The following VRK2 variants were observed in gnomAD, a reference collection of about 807,000 sequenced individuals.
The protein encoded by VRK2 is VRK serine/threonine kinase 2, also known as serine/threonine-protein kinase VRK2.
In VRK2, 60 loss-of-function variants were observed where a neutral mutation model predicts 57.6. The ratio of observed to expected loss-of-function variants is 1.04; its 90% confidence interval spans 0.85 to 1.29. The LOEUF is 1.29. Ranked by LOEUF, VRK2 falls within the 50% of genes most tolerant of loss-of-function variation. The probability of loss-of-function intolerance (pLI) is 0.00; values close to 1 mark genes in which losing one functional copy is unlikely to be tolerated. For missense variants in VRK2, 705 were observed against 588.1 expected (o/e 1.20, Z -2.06); for synonymous variants, 231 against 199.2 (o/e 1.16, Z -1.35).
At chr2:58,157,542 T>A (rs1183030213) in intron 12 of VRK2, among the ~76,000 whole-genome samples, 1 of 152,154 alleles carries the variant, frequency 6.6e-6, no homozygotes, top group South Asian at 2.1e-4. Context: ...TCTATCACAG[T>A]AGATTATTGC....
In VRK2 at chr2:58,121,307, T is replaced by C. The variant is rs796686849; in HGVS notation, c.544-1794T>C. 2.6e-5 allele frequency among the ~76,000 whole-genome samples: 4 copies of C among 152,234 alleles called. 1 individual carries two copies. Among genetic ancestry groups the C allele is most frequent in the Admixed American group, 2.6e-4 (4 of 15,282 alleles). ...TCTTTTTTAAAATAGTAAACTATTA[T>C]ATTAAAATACAATTCCATTTGTGTA... On this transcript the variant is annotated intron_variant, in intron 7 of 12. Coordinates refer to ENST00000340157, the MANE Select transcript of VRK2 (RefSeq NM_006296.7).
chr2:58,056,077 C>A (rs1180590614), intron 2 of VRK2, among the ~76,000 whole-genome samples: 1 of 152,058 alleles, frequency 6.6e-6, no homozygotes, highest in Non-Finnish European at 1.5e-5. Context: ...ACACCCACTA[C>A]AGAACTCCCC....
At chr2:58,000,433 C>A (rs1300627366) in intron 1 of VRK2, among the ~76,000 whole-genome samples, 2 of 152,256 alleles carry the variant, frequency 1.3e-5, no homozygotes, top group Non-Finnish European at 1.5e-5. Context: ...ACTTCATATT[C>A]ATTTAATGGA....
chr2:58,012,167 G>C (rs1007201775), intron 1 of VRK2, among the ~76,000 whole-genome samples: 3 of 152,120 alleles, frequency 2.0e-5, no homozygotes, highest in Non-Finnish European at 4.4e-5. Flanking sequence ...TCTAAAAAGG[G>C]GAGGCATGAA....
chr2:58,062,868 A>C (rs907238150), intron 2 of VRK2, among the ~76,000 whole-genome samples: 1 of 152,112 alleles, frequency 6.6e-6, no homozygotes, highest in Non-Finnish European at 1.5e-5. Context: ...ATCAATGATG[A>C]AGGTGGTTAC....
intron 1 of VRK2, among the ~76,000 whole-genome samples, chr2:57,961,849 G>C (rs1572909375): frequency 6.6e-6 from 1 of 152,282 alleles, no homozygotes; most frequent in East Asian, 1.9e-4. Flanking sequence ...GGCTGAGACA[G>C]GAGGACTGCT....
At chr2:58,121,791 G>A (rs545830525) in intron 7 of VRK2, among the ~76,000 whole-genome samples, 85 of 152,290 alleles carry the variant, frequency 5.6e-4, no homozygotes, top group African/African-American at 1.8e-3. Context: ...TTAAAGAAAT[G>A]TGTATGAAAT....
intron 8 of VRK2, among the ~76,000 whole-genome samples, chr2:58,128,705 T>C (rs1678732641): frequency 6.6e-6 from 1 of 152,138 alleles, no homozygotes; most frequent in African/African-American, 2.4e-5. Flanking sequence ...GCTCTATTAA[T>C]TTTTGCTCTG....
chr2:57,945,034 C>G (rs866899130), intron 1 of VRK2, among the ~76,000 whole-genome samples: 3 of 152,070 alleles, frequency 2.0e-5, no homozygotes, highest in Admixed American at 2.0e-4. Flanking sequence ...GAAACTTACT[C>G]AAGGTCAAAC....
At position 58,084,876 on chromosome 2, in the gene VRK2, T is replaced by A. The variant is rs201008158; in HGVS notation, c.187-5T>A. ...TAGTAAAATTAATTATTCTTTTTTT[T>A]ATAGGAATATCAAGAAAATGGCCCG... On this transcript the variant is annotated splice_region_variant and splice_polypyrimidine_tract_variant and intron_variant, in intron 3 of 12. Coordinates refer to ENST00000340157, the MANE Select transcript of VRK2 (RefSeq NM_006296.7). 7.3e-6 allele frequency: 11 copies of A among 1,512,838 alleles called. No homozygotes were observed. The African/African-American group carries it at 9.9e-5, about 14-fold the overall frequency. 93.7% of individuals were successfully genotyped at this position (1,512,838 alleles called of 1,614,324 possible).
At chr2:57,957,876 C>T (rs757472116) in intron 1 of VRK2, among the ~76,000 whole-genome samples, 5 of 152,086 alleles carry the variant, frequency 3.3e-5, no homozygotes, top group Non-Finnish European at 5.9e-5. Flanking sequence ...CAGGAAAGCA[C>T]CTGAAACAAT....
intron 2 of VRK2, among the ~76,000 whole-genome samples, chr2:58,071,104 A>G (rs548153206): frequency 3.7e-4 from 57 of 152,124 alleles, no homozygotes; most frequent in African/African-American, 4.8e-5. Flanking sequence ...ACACCTTTAC[A>G]TCTTTTTTTA....
At chr2:58,129,805 A>G (rs914407091) in intron 8 of VRK2, among the ~76,000 whole-genome samples, 3 of 152,168 alleles carry the variant, frequency 2.0e-5, no homozygotes, top group Non-Finnish European at 4.4e-5. Context: ...GTCACTCTTC[A>G]GTGTGGGGAA....
intron 12 of VRK2, chr2:58,154,758 G>C (rs1410629014): frequency 1.4e-6 from 1 of 716,978 alleles, no homozygotes; most frequent in Admixed American, 2.0e-5. Flanking sequence ...TTCCAGTTTA[G>C]GTAGAAGCTT....
At chr2:58,066,483 T>C (rs1280987217) in intron 2 of VRK2, among the ~76,000 whole-genome samples, 1 of 152,204 alleles carries the variant, frequency 6.6e-6, no homozygotes, top group Non-Finnish European at 1.5e-5. Context: ...TTTGAGAATC[T>C]TTCCATCTTT....
intron 1 of VRK2, among the ~76,000 whole-genome samples, chr2:57,948,377 G>T (rs1671324863): frequency 6.6e-6 from 1 of 152,144 alleles, no homozygotes; most frequent in Admixed American, 6.5e-5. Context: ...TTGGGGGAAG[G>T]AAAGAAAGGC....
At chr2:57,989,587 C>A (rs572991667) in intron 1 of VRK2, among the ~76,000 whole-genome samples, 7 of 152,146 alleles carry the variant, frequency 4.6e-5, no homozygotes, top group African/African-American at 1.7e-4. Context: ...CATTAGTAAT[C>A]CACTAGGCAG....
intron 1 of VRK2, among the ~76,000 whole-genome samples, chr2:58,004,779 C>G (rs1463337985): frequency 6.6e-6 from 1 of 152,086 alleles, no homozygotes; most frequent in Non-Finnish European, 1.5e-5. Context: ...TTCAATAAAA[C>G]AGGCAAATAG....
chr2:58,132,897 AT>A (rs1462290121), intron 9 of VRK2, among the ~76,000 whole-genome samples: 1 of 152,224 alleles, frequency 6.6e-6, no homozygotes, highest in East Asian at 1.9e-4. Context: ...AAACTAAAAC[AT>A]TTATATAAAT....
Sources: gnomAD v4.1 joint callset for allele counts (sites outside exome capture counted in the v4.1 genomes callset) on GRCh38, gnomAD v4.1.1 for gene constraint, MANE v1.5 for transcripts, NCBI Gene and HGNC (gene_info 2026-07-23, HGNC 2026-07-21) for gene names.